Variants in CMC1 observed in about 807,000 individuals in gnomAD.
The protein encoded by CMC1 is COX assembly mitochondrial protein homolog.
Under a neutral mutation model 14.1 loss-of-function variants are expected in CMC1, and 14 were observed. The observed-to-expected ratio is 0.99, with a 90% confidence interval of 0.66 to 1.55. The LOEUF is 1.55. CMC1 is among the 40% of genes most tolerant of loss of function. The probability of loss-of-function intolerance (pLI) is 0.00; values close to 1 mark genes in which losing one functional copy is unlikely to be tolerated. For missense variants in CMC1, 127 were observed against 123.8 expected, an observed-to-expected ratio of 1.03 and a Z score of -0.12; for synonymous variants, 50 against 38.4, an observed-to-expected ratio of 1.30 and a Z score of -1.12.
chr3:28,243,830 GCACACACACATA>G (rs1698663105), intron 1 of CMC1, among the ~76,000 whole-genome samples: 1 of 152,100 alleles, frequency 6.6e-6, no homozygotes, highest in Admixed American at 6.5e-5. Context: ...ACGTGCGTGG[GCACACACACATA>G]CACACACACA....
chr3:28,274,221 T>G (rs866861681), intron 2 of CMC1, among the ~76,000 whole-genome samples: 3 of 69,434 alleles, frequency 4.3e-5, no homozygotes, highest in African/African-American at 1.8e-4. Context: ...TGTTTTTTTC[T>G]TTTTTTTTTT....
intron 2 of CMC1, among the ~76,000 whole-genome samples, chr3:28,286,296 A>G (rs893717884): frequency 6.6e-6 from 1 of 152,200 alleles, no homozygotes; most frequent in Admixed American, 6.5e-5. Flanking sequence ...TCGGGCAGCA[A>G]GGAACCTCTT....
At chr3:28,298,644 A>T (rs551603681) in intron 2 of CMC1, among the ~76,000 whole-genome samples, 1 of 151,992 alleles carries the variant, frequency 6.6e-6, no homozygotes, top group South Asian at 2.1e-4. Context: ...CAAGCCAAAA[A>T]TCATTTCTAT....
chr3:28,263,162 A>G (rs942864548), intron 1 of CMC1, 129 bp from the exon 2 acceptor site: 9 of 650,534 alleles, frequency 1.4e-5, no homozygotes, highest in Admixed American at 3.6e-5. Context: ...AATAATCACA[A>G]TTTCATAAGG....
At chr3:28,267,757 A>G (rs1700081398) in intron 2 of CMC1, among the ~76,000 whole-genome samples, 1 of 152,242 alleles carries the variant, frequency 6.6e-6, no homozygotes, top group South Asian at 2.1e-4. Context: ...AATGAACAAA[A>G]AACAATCAAG....
At chr3:28,285,765 C>T (rs1473004471) in intron 2 of CMC1, among the ~76,000 whole-genome samples, 1 of 145,186 alleles carries the variant, frequency 6.9e-6, no homozygotes, top group Admixed American at 7.0e-5. Context: ...GGTAAATTCT[C>T]AGCATTTTTT....
intron 1 of CMC1, among the ~76,000 whole-genome samples, chr3:28,244,990 T>C (rs1394144443): frequency 6.6e-6 from 1 of 151,148 alleles, no homozygotes; most frequent in African/African-American, 2.4e-5. Context: ...ATTTGGTTCA[T>C]ACGTTGAAGC....
Position 28,319,567 on chromosome 3 carries a change from G to A in CMC1, c.259G>A (p.Glu87Lys), listed in dbSNP as rs747110459. The A allele has an allele frequency of 3.1e-6, 5 of 1,608,948 alleles. No individual in the cohort carries two copies. The highest frequency in any genetic ancestry group is 4.2e-6 in the Non-Finnish European group (5 of 1,176,656). The change falls in exon 4 of 4, where the codon GAA (glutamate) becomes AAA (lysine). Residue 87 changes from glutamate (E) to lysine (K), a missense_variant. Physicochemically the swap from Glu to Lys is moderately conservative, Grantham distance 56. Coordinates refer to ENST00000466830, the MANE Select transcript of CMC1 (RefSeq NM_182523.2). Reference sequence around the variant, plus strand: ...AATGGAATACCTGAAGGAAAGGGAAGAATTCAGAAAAACTGGAATTCCTAC... The same window carrying A: ...AATGGAATACCTGAAGGAAAGGGAAAAATTCAGAAAAACTGGAATTCCTAC... ...CKMEYLKERE[E>K]FRKTGIPTKK...
intron 2 of CMC1, among the ~76,000 whole-genome samples, chr3:28,268,453 A>C (rs1026780046): frequency 2.6e-5 from 4 of 152,136 alleles, no homozygotes; most frequent in Non-Finnish European, 5.9e-5. Flanking sequence ...CAGTCCCCAG[A>C]ATTTTTATTG....
At chr3:28,316,072 CATTT>C (rs1171692329) in intron 2 of CMC1, 6 of 251,248 alleles carry the variant, frequency 2.4e-5, no homozygotes, top group Non-Finnish European at 4.5e-5. Flanking sequence ...TCTCAAATCA[CATTT>C]ATTTATACAA....
chr3:28,295,048 G>A (rs974498225), intron 2 of CMC1, among the ~76,000 whole-genome samples: 1 of 152,136 alleles, frequency 6.6e-6, no homozygotes, highest in Non-Finnish European at 1.5e-5. Flanking sequence ...TGTTCACGCT[G>A]TGCTACCCCA....
At chr3:28,275,765 G>T (rs1271071407) in intron 2 of CMC1, among the ~76,000 whole-genome samples, 1 of 152,138 alleles carries the variant, frequency 6.6e-6, no homozygotes, top group Non-Finnish European at 1.5e-5. Context: ...TGCCCCCAGG[G>T]TCTCCATCCC....
chr3:28,263,191 T>C (rs1358884848), intron 1 of CMC1, 100 bp from the exon 2 acceptor site: 3 of 787,914 alleles, frequency 3.8e-6, no homozygotes, highest in Non-Finnish European at 6.1e-6. Context: ...TTTGAGTATA[T>C]TTGCATAGGC....
rs753292547 is a variant in CMC1 at position 28,324,090 on chromosome 3, T to C, written c.*4461T>C. ...GATTATGTTGATCCAAGTAATGCAG[T>C]GGTGGAAGGTTGGGTAAAGGCAAAG... On this transcript the variant is annotated 3_prime_UTR_variant, in exon 4 of 4. Transcript: ENST00000466830. 2 of 1,609,912 alleles carry C rather than the reference T, an allele frequency of 1.2e-6. No homozygotes were observed. Among genetic ancestry groups the C allele is most frequent in the African/African-American group, 1.3e-5 (1 of 74,570 alleles).
At chr3:28,262,628 C>T (rs187046692) in intron 1 of CMC1, among the ~76,000 whole-genome samples, 6 of 152,270 alleles carry the variant, frequency 3.9e-5, no homozygotes, top group Non-Finnish European at 8.8e-5. Context: ...CTGATCTAAT[C>T]TGCCTTTTTT....
At chr3:28,250,639 TA>T (rs1699084525) in intron 1 of CMC1, among the ~76,000 whole-genome samples, 1 of 152,136 alleles carries the variant, frequency 6.6e-6, no homozygotes, top group Non-Finnish European at 1.5e-5. Context: ...ACATAACCAC[TA>T]GGTTGGCAAA....
At chr3:28,316,485 C>T in intron 3 of CMC1, 62 bp downstream of exon 3, 1 of 878,780 alleles carries the variant, frequency 1.1e-6, no homozygotes, top group Non-Finnish European at 1.8e-6. Flanking sequence ...GAGTATGTTA[C>T]TTAACTCATT....
chr3:28,257,419 A>G (rs769199994), intron 1 of CMC1, among the ~76,000 whole-genome samples: 1 of 152,224 alleles, frequency 6.6e-6, no homozygotes, highest in Admixed American at 6.5e-5. Context: ...TAGTAGTGGT[A>G]TACAAATAGT....
At position 28,323,905 on chromosome 3, in the gene CMC1, A is replaced by T; in HGVS notation, c.*4276A>T. ...TATGTTGGTTTTTGTACTATTGTAC[A>T]GTGTGTTCAAATATAGATACTGAAG... On this transcript the variant is annotated 3_prime_UTR_variant, in exon 4 of 4. Coordinates refer to ENST00000466830, the MANE Select transcript of CMC1 (RefSeq NM_182523.2). 2.1e-6 allele frequency: 2 copies of T among 949,570 alleles called. No homozygotes were observed. Among genetic ancestry groups the T allele is most frequent in the Non-Finnish European group, 3.1e-6 (2 of 638,822 alleles). The allele number at this position is 949,570 out of a possible 1,614,324, so 58.8% of individuals were successfully genotyped here. A position where few individuals can be genotyped will look rare whatever the true frequency, so the allele number is the denominator to read the frequency against.
Sources: gnomAD v4.1 joint callset for allele counts (sites outside exome capture counted in the v4.1 genomes callset) on GRCh38, gnomAD v4.1.1 for gene constraint, MANE v1.5 for transcripts, NCBI Gene and HGNC (gene_info 2026-07-23, HGNC 2026-07-21) for gene names.